The following METTL15 variants were observed in gnomAD, a reference collection of about 807,000 sequenced individuals.
METTL15 encodes the protein 12S rRNA N(4)-cytidine methyltransferase METTL15.
Under a neutral mutation model 38.3 loss-of-function variants are expected in METTL15, and 34 were observed. The observed-to-expected ratio is 0.89, with a 90% CI of 0.68 to 1.18. The LOEUF (loss-of-function observed/expected upper bound fraction) is 1.18, where lower values mean the gene tolerates loss of function less well. METTL15 is among the 50% of genes most tolerant of loss of function. The pLI, the probability that METTL15 is intolerant of heterozygous loss-of-function variation, is 0.00. For synonymous variants in METTL15, 162 were observed against 170.9 expected (o/e 0.95, Z 0.41); for missense variants, 438 against 498.4 (o/e 0.88, Z 1.15).
intron 6 of METTL15, among the ~76,000 whole-genome samples, chr11:28,310,991 T>TGTGC (rs1476973408): frequency 6.8e-6 from 1 of 146,296 alleles, no homozygotes; most frequent in Non-Finnish European, 1.5e-5. Flanking sequence ...TGTGTGTGTG[T>TGTGC]GTGTGTGTGT....
the METTL15 span, among the ~76,000 whole-genome samples, chr11:28,532,065 C>A: frequency 4.6e-5 from 7 of 152,082 alleles, no homozygotes; most frequent in Non-Finnish European, 5.9e-5. Flanking sequence ...GCATGTCTTT[C>A]TCTATCTAAC....
intron 4 of METTL15, among the ~76,000 whole-genome samples, chr11:28,229,745 C>T (rs1351230484): frequency 1.3e-5 from 2 of 151,930 alleles, no homozygotes; most frequent in Non-Finnish European, 2.9e-5. Context: ...CAATAAATTA[C>T]CCAGTCTAAG....
intron 5 of METTL15, among the ~76,000 whole-genome samples, chr11:28,370,207 A>C (rs1053363925): frequency 6.6e-6 from 1 of 151,876 alleles, no homozygotes; most frequent in Non-Finnish European, 1.5e-5. Context: ...ACCACACTTC[A>C]TCCCCCCATC....
intron 6 of METTL15, among the ~76,000 whole-genome samples, chr11:28,487,838 T>A (rs1451608812): frequency 6.6e-6 from 1 of 152,162 alleles, no homozygotes; most frequent in African/African-American, 2.4e-5. Flanking sequence ...GTATTAGAAA[T>A]GTTTTCATGA....
At chr11:28,300,960 T>A (rs1856892286) in intron 6 of METTL15, among the ~76,000 whole-genome samples, 1 of 152,138 alleles carries the variant, frequency 6.6e-6, no homozygotes, top group South Asian at 2.1e-4. Flanking sequence ...TCTTCATCTC[T>A]CCTACTCCCC....
intron 5 of METTL15, among the ~76,000 whole-genome samples, chr11:28,401,046 A>T (rs1001949557): frequency 2.0e-5 from 3 of 152,044 alleles, no homozygotes; most frequent in African/African-American, 7.2e-5. Context: ...GCAAGTTTTC[A>T]TTAGAGCAAA....
chr11:28,121,682 T>A (rs1852241421), intron 3 of METTL15, among the ~76,000 whole-genome samples: 1 of 152,136 alleles, frequency 6.6e-6, no homozygotes, highest in Admixed American at 6.5e-5. Context: ...TATGATGATA[T>A]CTTAAGCAAA....
intron 3 of METTL15, chr11:28,352,081 T>C (rs1564903750): frequency 6.6e-6 from 1 of 152,246 alleles, no homozygotes; most frequent in Non-Finnish European, 1.5e-5. Context: ...CTACTTACTT[T>C]CTTTGCAGGT....
At chr11:28,307,137 A>G (rs1372662143) in intron 6 of METTL15, among the ~76,000 whole-genome samples, 1 of 151,886 alleles carries the variant, frequency 6.6e-6, no homozygotes, top group Non-Finnish European at 1.5e-5. Context: ...CTTCTACTGT[A>G]TTATAAACTA....
At chr11:28,191,068 T>G (rs1376930252) in intron 3 of METTL15, among the ~76,000 whole-genome samples, 1 of 151,474 alleles carries the variant, frequency 6.6e-6, no homozygotes, top group Non-Finnish European at 1.5e-5. Context: ...ATATGATTAT[T>G]ATAAGGTTTG....
intron 5 of METTL15, among the ~76,000 whole-genome samples, chr11:28,390,923 T>C (rs1414186828): frequency 1.3e-5 from 2 of 152,188 alleles, no homozygotes; most frequent in African/African-American, 4.8e-5. Flanking sequence ...GGTTTGTAGT[T>C]CCCCTTGAAG....
chr11:28,154,829 A>G (rs1488096127), intron 3 of METTL15, among the ~76,000 whole-genome samples: 1 of 152,102 alleles, frequency 6.6e-6, no homozygotes, highest in Non-Finnish European at 1.5e-5. Context: ...TGTTTTTCTC[A>G]GTTCTCTCTC....
At chr11:28,148,693 T>G (rs1466361362) in intron 3 of METTL15, among the ~76,000 whole-genome samples, 1 of 151,956 alleles carries the variant, frequency 6.6e-6, no homozygotes, top group Non-Finnish European at 1.5e-5. Flanking sequence ...ATTGTCACAG[T>G]AGTTTATCAC....
intron 4 of METTL15, among the ~76,000 whole-genome samples, chr11:28,250,247 G>C (rs1854684621): frequency 6.6e-6 from 1 of 152,020 alleles, no homozygotes; most frequent in African/African-American, 2.4e-5. Flanking sequence ...CCAATAATGA[G>C]ATTGCTGTGT....
At chr11:28,279,151 T>G (rs1471870492) in intron 4 of METTL15, among the ~76,000 whole-genome samples, 1 of 152,182 alleles carries the variant, frequency 6.6e-6, no homozygotes, top group Non-Finnish European at 1.5e-5. Flanking sequence ...ATGTAATGTC[T>G]TTTTTGAATT....
At chr11:28,517,487 T>G (rs761331129) in intron 6 of METTL15, among the ~76,000 whole-genome samples, 43 of 152,174 alleles carry the variant, frequency 2.8e-4, no homozygotes, top group Non-Finnish European at 5.1e-4. Context: ...GGGGTGGGCA[T>G]CCACCCTGGA....
intron 3 of METTL15, among the ~76,000 whole-genome samples, chr11:28,180,547 G>A (rs1243259406): frequency 2.0e-5 from 3 of 151,706 alleles, no homozygotes; most frequent in Admixed American, 6.6e-5. Flanking sequence ...AACCTCTGTC[G>A]TTTAAGGATG....
intron 4 of METTL15, among the ~76,000 whole-genome samples, chr11:28,213,454 A>G (rs1335917080): frequency 6.6e-6 from 1 of 151,984 alleles, no homozygotes; most frequent in Admixed American, 6.6e-5. Flanking sequence ...TAAAACTGCA[A>G]TTCTCTGGTA....
At chr11:28,325,389 G>A (rs1052629348) in intron 6 of METTL15, among the ~76,000 whole-genome samples, 2 of 152,168 alleles carry the variant, frequency 1.3e-5, no homozygotes, top group African/African-American at 4.8e-5. Context: ...GTTATACATA[G>A]AAGCTTTGGG....
Sources: gnomAD v4.1 joint callset for allele counts (sites outside exome capture counted in the v4.1 genomes callset) on GRCh38, gnomAD v4.1.1 for gene constraint, MANE v1.5 for transcripts, NCBI Gene and HGNC (gene_info 2026-07-23, HGNC 2026-07-21) for gene names.